ROBO2: variants seen among roughly 807,000 people sequenced by gnomAD.
ROBO2 encodes the protein roundabout homolog 2.
A neutral mutation model predicts 160.8 loss-of-function variants in ROBO2; 53 were observed. The observed-to-expected ratio is 0.33, with a 90% CI of 0.26 to 0.41. ROBO2 has a LOEUF of 0.41. Ranked by LOEUF, ROBO2 falls within the 10% of genes least tolerant of loss-of-function variation. The pLI, the probability that ROBO2 is intolerant of heterozygous loss-of-function variation, is 1.00. For synonymous variants in ROBO2, 664 were observed against 611.7 expected, an observed-to-expected ratio of 1.09 and a Z score of -1.26; for missense variants, 1,577 against 1,722.4, an observed-to-expected ratio of 0.92 and a Z score of 1.49.
At chr3:76,602,835 G>A (rs1055879155) in intron 2 of ROBO2, among the ~76,000 whole-genome samples, 4 of 152,216 alleles carry the variant, frequency 2.6e-5, no homozygotes, top group African/African-American at 9.6e-5. Context: ...TGAGATTTGG[G>A]TGGGGACACA....
At chr3:76,360,630 G>A (rs944742902) in intron 2 of ROBO2, among the ~76,000 whole-genome samples, 1 of 152,032 alleles carries the variant, frequency 6.6e-6, no homozygotes, top group African/African-American at 2.4e-5. Flanking sequence ...TTCCAGTTTA[G>A]CATTGTACTC....
At chr3:76,723,627 T>C (rs1037780217) in intron 2 of ROBO2, among the ~76,000 whole-genome samples, 1 of 152,212 alleles carries the variant, frequency 6.6e-6, no homozygotes, top group African/African-American at 2.4e-5. Context: ...CTTCCAGTGC[T>C]AGTAAGCCCC....
chr3:76,902,649 T>G (rs1194373564), intron 2 of ROBO2, among the ~76,000 whole-genome samples: 12 of 151,242 alleles, frequency 7.9e-5, no homozygotes, highest in Admixed American at 7.9e-4. Context: ...GCTTTTAACA[T>G]TTTCCCTGTT....
chr3:76,925,437 T>A (rs947888331), intron 2 of ROBO2, among the ~76,000 whole-genome samples: 5 of 152,088 alleles, frequency 3.3e-5, no homozygotes, highest in Admixed American at 3.3e-4. Context: ...TTGCAAATAT[T>A]TTTTGAAGCC....
chr3:76,489,873 C>T (rs774731685), intron 2 of ROBO2, among the ~76,000 whole-genome samples: 2 of 151,812 alleles, frequency 1.3e-5, no homozygotes, highest in Non-Finnish European at 2.9e-5. Context: ...AGAAAATATA[C>T]CTGAAAACAA....
intron 2 of ROBO2, among the ~76,000 whole-genome samples, chr3:77,189,945 A>G (rs570785700): frequency 1.6e-4 from 24 of 151,990 alleles, no homozygotes; most frequent in Non-Finnish European, 8.8e-5. Context: ...ATAATTTACC[A>G]CATTATTTGA....
intron 2 of ROBO2, among the ~76,000 whole-genome samples, chr3:76,332,407 A>G (rs181204530): frequency 2.6e-4 from 39 of 152,308 alleles, no homozygotes; most frequent in African/African-American, 8.9e-4. Flanking sequence ...AATTTCGTCA[A>G]AAATTTTTGT....
intron 2 of ROBO2, among the ~76,000 whole-genome samples, chr3:77,166,599 C>T (rs945650602): frequency 2.0e-5 from 3 of 152,168 alleles, no homozygotes; most frequent in Non-Finnish European, 2.9e-5. Flanking sequence ...CACTCTGTCG[C>T]CCAGGCTGGG....
chr3:77,090,558 G>T (rs984416668), intron 1 of ROBO2, among the ~76,000 whole-genome samples: 1 of 151,684 alleles, frequency 6.6e-6, no homozygotes, highest in African/African-American at 2.4e-5. Flanking sequence ...GTTTCACCGT[G>T]TTAGCCAGGA....
At chr3:76,213,578 C>A (rs867756977) in intron 2 of ROBO2, among the ~76,000 whole-genome samples, 12 of 152,022 alleles carry the variant, frequency 7.9e-5, no homozygotes, top group South Asian at 4.1e-4. Flanking sequence ...CTTTATACAT[C>A]TATTTTTAAA....
At chr3:77,030,852 A>T (rs1429354441) in intron 2 of ROBO2, among the ~76,000 whole-genome samples, 3 of 152,230 alleles carry the variant, frequency 2.0e-5, no homozygotes, top group Non-Finnish European at 4.4e-5. Flanking sequence ...TTGAAATAAC[A>T]TTCCATTCAG....
Position 77,329,340 on chromosome 3 carries a change from AT to A in ROBO2, c.389-148069del, listed in dbSNP as rs1156580955. On this transcript the variant is annotated intron_variant, in intron 2 of 25. Transcript: ENST00000461745. ...CAGAACTTTGGAAACTTCTGTTTCT[AT>A]TTTTATTCTTTTATACTCCTTCAGA... Among the ~76,000 whole-genome samples the A allele has an allele frequency of 2.0e-5, 3 of 152,206 alleles. No homozygotes were observed. The East Asian group carries it at 5.8e-4, about 29-fold the overall frequency.
intron 2 of ROBO2, among the ~76,000 whole-genome samples, chr3:76,216,196 C>G (rs757207245): frequency 6.6e-6 from 1 of 151,624 alleles, no homozygotes; most frequent in African/African-American, 2.4e-5. Context: ...GTAAAAGCCA[C>G]TACAAAAACA....
At chr3:76,133,868 C>T (rs990456174) in intron 2 of ROBO2, among the ~76,000 whole-genome samples, 1 of 151,970 alleles carries the variant, frequency 6.6e-6, no homozygotes, top group African/African-American at 2.4e-5. Context: ...CCACTGACTC[C>T]AGTGTTAATC....
chr3:77,620,068 C>T (rs1177163524), intron 22 of ROBO2, among the ~76,000 whole-genome samples: 1 of 152,270 alleles, frequency 6.6e-6, no homozygotes, highest in South Asian at 2.1e-4. Context: ...TAGTTCATCT[C>T]CACCTGCTGC....
chr3:77,512,077 A>G (rs1288336610), intron 5 of ROBO2, among the ~76,000 whole-genome samples: 1 of 151,896 alleles, frequency 6.6e-6, no homozygotes, highest in East Asian at 1.9e-4. Context: ...GTGGTTGTCT[A>G]AAGATTAAAA....
exon 1 of ROBO2, chr3:77,040,177 G>A (rs1018077690): frequency 1.0e-6 from 1 of 985,770 alleles, no homozygotes; most frequent in African/African-American, 1.7e-5. Flanking sequence ...GGTGGAGGGA[G>A]GGCAACACCG....
chr3:77,201,457 T>C (rs1260123741), intron 2 of ROBO2, among the ~76,000 whole-genome samples: 1 of 152,198 alleles, frequency 6.6e-6, no homozygotes, highest in African/African-American at 2.4e-5. Context: ...TTTTTTAAGT[T>C]ATATTTATGA....
At chr3:76,202,950 A>G (rs1559636657) in intron 2 of ROBO2, among the ~76,000 whole-genome samples, 1 of 151,940 alleles carries the variant, frequency 6.6e-6, no homozygotes, top group Non-Finnish European at 1.5e-5. Flanking sequence ...CTGTTGAAAT[A>G]CTTTAGTAGC....
Sources: gnomAD v4.1 joint callset for allele counts (sites outside exome capture counted in the v4.1 genomes callset) on GRCh38, gnomAD v4.1.1 for gene constraint, MANE v1.5 for transcripts, NCBI Gene and HGNC (gene_info 2026-07-23, HGNC 2026-07-21) for gene names.